The following ASXL3 variants were observed in gnomAD, a reference collection of about 807,000 sequenced individuals.
The protein encoded by ASXL3 is putative Polycomb group protein ASXL3.
ASXL3 carries 34 observed loss-of-function variants against 170.6 expected under a neutral mutation model. The ratio of observed to expected loss-of-function variants is 0.20; its 90% confidence interval spans 0.15 to 0.27. ASXL3 has a LOEUF of 0.27. Ranked by LOEUF, ASXL3 falls within the 10% of genes least tolerant of loss-of-function variation. ASXL3 has a pLI of 1.00. For synonymous variants in ASXL3, 1,002 were observed against 989.1 expected (o/e 1.01, Z -0.24); for missense variants, 2,592 against 2,695.3 (o/e 0.96, Z 0.85).
rs749609485 is a variant in ASXL3 at position 33,671,877 on chromosome 18, A to G, written c.715+11A>G. 1.3e-6 allele frequency: 2 copies of G among 1,570,918 alleles called. No individual in the cohort carries two copies. The highest frequency in any genetic ancestry group is 1.7e-6 in the Non-Finnish European group (2 of 1,161,506). ...AAAAGTCTGGTTTAGGTGAGTGTTT[A>G]ATAGACTATGCCATTTCACATTTTA... On this transcript the variant is annotated intron_variant, in intron 7 of 11. Transcript: ENST00000269197.
chr18:33,745,951 C>A lies in ASXL3; in HGVS notation c.6103C>A (p.Pro2035Thr), dbSNP rs780024795. ...TCCACCCTTGGCTTTGCCCCCGCCT[C>A]CCCCCCCACCACCTCCGCTACCTCC... ...PPPPLALPPPPPPPPPLPPPL... is the reference protein window; with the variant it reads ...PPPPLALPPPTPPPPPLPPPL... Residue 2035 changes from proline to threonine, a missense_variant, in exon 12 of 12, where the codon CCC (proline) becomes ACC (threonine). Physicochemically the swap from Pro to Thr is conservative, Grantham distance 38. This residue lies in a region of ASXL3 where 2,246 missense variants were observed against 2,219.6 expected (regional missense o/e 1.01). Coordinates refer to ENST00000269197, the MANE Select transcript of ASXL3 (RefSeq NM_030632.3). 1.4e-5 allele frequency: 19 copies of A among 1,386,406 alleles called. No individual in the cohort carries two copies. Among genetic ancestry groups the A allele is most frequent in the African/African-American group, 1.1e-4 (7 of 66,582 alleles). 85.9% of individuals were successfully genotyped at this position (1,386,406 alleles called of 1,614,324 possible). A position where few individuals can be genotyped will look rare whatever the true frequency, so the allele number is the denominator to read the frequency against.
In ASXL3 at chr18:33,743,612, T is replaced by G. The variant is rs1169814208; in HGVS notation, c.3764T>G (p.Val1255Gly). The change falls in exon 12 of 12, where the codon GTG (valine) becomes GGG (glycine). Residue 1255 changes from valine to glycine, a missense_variant. Coordinates refer to ENST00000269197, the MANE Select transcript of ASXL3 (RefSeq NM_030632.3). ...GGAGCAATTAAAGAACATCCCTTTGTGAGTTCTGTTGATAAATCCTCTGTC... is the reference window on the plus strand; with the variant it reads ...GGAGCAATTAAAGAACATCCCTTTGGGAGTTCTGTTGATAAATCCTCTGTC... ...ISGAIKEHPF[V>G]SSVDKSSVLM... 1 of 1,613,344 alleles carries G rather than the reference T, an allele frequency of 6.2e-7. No homozygotes were observed. The highest frequency in any genetic ancestry group is 1.3e-5 in the African/African-American group (1 of 74,938).
chr18:33,588,210 T>C (rs910023253), intron 1 of ASXL3, among the ~76,000 whole-genome samples: 1 of 152,168 alleles, frequency 6.6e-6, no homozygotes, highest in Non-Finnish European at 1.5e-5. Flanking sequence ...ATCTAGCTTA[T>C]GGGTTGGGGA....
At chr18:33,709,042 A>G (rs1336956442) in intron 8 of ASXL3, among the ~76,000 whole-genome samples, 1 of 152,174 alleles carries the variant, frequency 6.6e-6, no homozygotes, top group Non-Finnish European at 1.5e-5. Context: ...GCTCAGCTTC[A>G]TTAGTCATCA....
At chr18:33,583,468 TC>T (rs1203958044) in intron 1 of ASXL3, among the ~76,000 whole-genome samples, 1 of 152,206 alleles carries the variant, frequency 6.6e-6, no homozygotes, top group East Asian at 1.9e-4. Context: ...CATCACCTTT[TC>T]TTTCAAACAT....
At chr18:33,582,205 C>A (rs770206104) in intron 1 of ASXL3, among the ~76,000 whole-genome samples, 1 of 152,140 alleles carries the variant, frequency 6.6e-6, no homozygotes, top group Admixed American at 6.5e-5. Flanking sequence ...TAACTCATGT[C>A]GAGCTGGGGC....
intron 2 of ASXL3, among the ~76,000 whole-genome samples, chr18:33,642,447 G>C (rs531875881): frequency 3.3e-5 from 5 of 151,906 alleles, no homozygotes; most frequent in Admixed American, 6.6e-5. Flanking sequence ...TGAAACTCGT[G>C]TGCTTAAAAC....
intron 7 of ASXL3, among the ~76,000 whole-genome samples, chr18:33,675,121 T>C (rs2066404813): frequency 6.6e-6 from 1 of 152,222 alleles, no homozygotes; most frequent in African/African-American, 2.4e-5. Flanking sequence ...TCAATGAGTT[T>C]GGAATGAATG....
rs558663359 is a variant in ASXL3 at position 33,589,199 on chromosome 18, A to G, written c.54+10514A>G. Among the ~76,000 whole-genome samples the G allele has an allele frequency of 2.5e-3, 383 of 152,214 alleles. 1 individual carries two copies. Among genetic ancestry groups the G allele is most frequent in the African/African-American group, 7.2e-3 (298 of 41,548 alleles). ...CATAACATCTCTCAATTTTATTTCT[A>G]TTGTTTAATAAAGGAATAATAATAT... On this transcript the variant is annotated intron_variant, in intron 1 of 11. Coordinates refer to ENST00000269197, the MANE Select transcript of ASXL3 (RefSeq NM_030632.3).
intron 8 of ASXL3, among the ~76,000 whole-genome samples, chr18:33,720,611 C>T (rs1243051999): frequency 6.6e-6 from 1 of 152,070 alleles, no homozygotes; most frequent in Non-Finnish European, 1.5e-5. Flanking sequence ...CATCGAGGCC[C>T]AGCAGAATGT....
intron 2 of ASXL3, chr18:33,625,693 A>G (rs1375604264): frequency 6.6e-6 from 1 of 152,144 alleles, no homozygotes; most frequent in Non-Finnish European, 1.5e-5. Flanking sequence ...TAGGAACCAA[A>G]ATATATACCA....
At chr18:33,676,439 G>A (rs752002334) in intron 7 of ASXL3, among the ~76,000 whole-genome samples, 24 of 152,084 alleles carry the variant, frequency 1.6e-4, no homozygotes, top group Middle Eastern at 3.4e-3. Context: ...ACTTGGTCAC[G>A]GGGTGAGTGC....
At chr18:33,583,048 G>C (rs532390588) in intron 1 of ASXL3, among the ~76,000 whole-genome samples, 1 of 152,196 alleles carries the variant, frequency 6.6e-6, no homozygotes, top group African/African-American at 2.4e-5. Flanking sequence ...AAATAAAGCT[G>C]AATGGTATTG....
intron 10 of ASXL3, among the ~76,000 whole-genome samples, chr18:33,734,945 G>A (rs1332539793): frequency 1.3e-5 from 2 of 151,982 alleles, no homozygotes; most frequent in Non-Finnish European, 2.9e-5. Flanking sequence ...TGACATGAGC[G>A]TTTACATCAT....
intron 4 of ASXL3, 72 bp from the exon 5 acceptor site, chr18:33,661,544 C>T: frequency 4.2e-6 from 6 of 1,434,804 alleles, no homozygotes; most frequent in East Asian, 2.5e-5. Flanking sequence ...AGAAAAGCTC[C>T]AAGTGTGTAA....
intron 1 of ASXL3, among the ~76,000 whole-genome samples, chr18:33,598,698 A>C (rs1389704827): frequency 6.6e-6 from 1 of 152,234 alleles, no homozygotes; most frequent in Non-Finnish European, 1.5e-5. Context: ...AAGAAAAGTT[A>C]CATGAGATAA....
At chr18:33,595,161 A>C (rs1326004653) in intron 1 of ASXL3, among the ~76,000 whole-genome samples, 3 of 152,280 alleles carry the variant, frequency 2.0e-5, no homozygotes, top group East Asian at 3.9e-4. Flanking sequence ...TACTCATCAA[A>C]GTTCTAGGTA....
intron 1 of ASXL3, among the ~76,000 whole-genome samples, chr18:33,582,917 A>G (rs2065005739): frequency 6.6e-6 from 1 of 152,176 alleles, no homozygotes; most frequent in Non-Finnish European, 1.5e-5. Context: ...CACTGAACAA[A>G]AGATTCACAC....
chr18:33,607,898 C>G (rs726146), intron 2 of ASXL3, among the ~76,000 whole-genome samples: 2 of 151,946 alleles, frequency 1.3e-5, no homozygotes, highest in South Asian at 4.1e-4. Flanking sequence ...GAGGTACTTT[C>G]TTAACAAAGA....
Sources: gnomAD v4.1 joint callset for allele counts (sites outside exome capture counted in the v4.1 genomes callset) on GRCh38, gnomAD v4.1.1 for gene constraint, gnomAD v4.1.1 regional missense constraint, MANE v1.5 for transcripts, NCBI Gene and HGNC (gene_info 2026-07-23, HGNC 2026-07-21) for gene names.